SNX8: variants seen among roughly 807,000 people sequenced by gnomAD.
The protein encoded by SNX8 is sorting nexin 8.
In SNX8, 25 loss-of-function variants were observed where a neutral mutation model predicts 51.6. That is an observed-to-expected ratio of 0.48 (90% CI 0.35 to 0.68). SNX8 has a LOEUF of 0.68. SNX8 is among the 30% of genes least tolerant of loss of function. The probability of loss-of-function intolerance (pLI) is 0.00; values close to 1 mark genes in which losing one functional copy is unlikely to be tolerated. For missense variants in SNX8, 695 were observed against 624.0 expected, an observed-to-expected ratio of 1.11 and a Z score of -1.21; for synonymous variants, 324 against 277.0, an observed-to-expected ratio of 1.17 and a Z score of -1.68.
intron 7 of SNX8, among the ~76,000 whole-genome samples, chr7:2,260,697 T>C (rs1584668097): frequency 6.6e-6 from 1 of 152,188 alleles, no homozygotes; most frequent in Non-Finnish European, 1.5e-5. Context: ...ATGGAACTTC[T>C]GCTGCATCAA....
At chr7:2,300,545 CG>C (rs1554265845) in intron 1 of SNX8, among the ~76,000 whole-genome samples, 2 of 151,762 alleles carry the variant, frequency 1.3e-5, no homozygotes, top group Non-Finnish European at 2.9e-5. Flanking sequence ...CCCAAGTAAC[CG>C]GAACTACAGA....
At chr7:2,316,069 A>G (rs2115218112), upstream of SNX8, among the ~76,000 whole-genome samples, 1 of 147,908 alleles carries the variant, frequency 6.8e-6, no homozygotes, top group South Asian at 2.1e-4. Flanking sequence ...CTACCCACCC[A>G]CTCACTCATG....
intron 1 of SNX8, among the ~76,000 whole-genome samples, chr7:2,297,974 C>T (rs1796309172): frequency 2.0e-5 from 3 of 151,866 alleles, no homozygotes; most frequent in Non-Finnish European, 2.9e-5. Flanking sequence ...AACCCAGCCT[C>T]GACCAACGAA....
intron 1 of SNX8, among the ~76,000 whole-genome samples, chr7:2,336,616 G>A (rs1167299627): frequency 6.6e-6 from 1 of 152,030 alleles, no homozygotes; most frequent in Non-Finnish European, 1.5e-5. Flanking sequence ...GCTGAGGTAG[G>A]AGAATTGCTT....
Position 2,345,838 on chromosome 7 carries a change from A to G in SNX8, c.-66+8384T>C, listed in dbSNP as rs199658781. 2.0e-5 allele frequency among the ~76,000 whole-genome samples: 3 copies of G among 151,896 alleles called. No homozygotes were observed. In the East Asian group the frequency reaches 5.8e-4, roughly 30 times the overall value. The stretch of plus-strand genomic sequence containing the variant: ...GTTTTGTTTTTTGAGACGGAGTTTC[A>G]CTCTTGTTGCCCAGGCTGAAGTGCA... On this transcript the variant is annotated intron_variant, in intron 1 of 5. Transcript: ENST00000435336.
At chr7:2,325,829 C>T (rs1328886975) in intron 1 of SNX8, among the ~76,000 whole-genome samples, 1 of 151,288 alleles carries the variant, frequency 6.6e-6, no homozygotes, top group African/African-American at 2.4e-5. Context: ...AAGACTCTGT[C>T]TCAAAAAAAA....
chr7:2,274,948 G>T, intron 3 of SNX8, 164 bp downstream of exon 3: 1 of 588,784 alleles, frequency 1.7e-6, no homozygotes, highest in Non-Finnish European at 3.0e-6. Flanking sequence ...ACCAAGGCTG[G>T]GCTCAAGCCA....
At chr7:2,256,735 T>C (rs1319811309) in intron 10 of SNX8, 139 bp downstream of exon 10, 2 of 757,182 alleles carry the variant, frequency 2.6e-6, no homozygotes, top group Non-Finnish European at 4.1e-6. Context: ...AGCACCGTGT[T>C]CCAAGGCCCA....
At chr7:2,338,409 C>A (rs548899790) in intron 1 of SNX8, among the ~76,000 whole-genome samples, 1 of 151,564 alleles carries the variant, frequency 6.6e-6, no homozygotes, top group Admixed American at 6.6e-5. Context: ...TTGCAGTGAG[C>A]CGAAATCATG....
At chr7:2,277,911 G>C (rs888399980) in intron 2 of SNX8, among the ~76,000 whole-genome samples, 189 bp downstream of exon 2, 2 of 152,030 alleles carry the variant, frequency 1.3e-5, no homozygotes, top group African/African-American at 2.4e-5. Flanking sequence ...AGTGAGGTGC[G>C]GGGAGCAGAG....
At chr7:2,351,935 T>C (rs1168786189) in intron 1 of SNX8, among the ~76,000 whole-genome samples, 4 of 117,708 alleles carry the variant, frequency 3.4e-5, no homozygotes, top group Non-Finnish European at 7.0e-5. Flanking sequence ...TTGAGATGGA[T>C]TTTTGCTCGT....
chr7:2,277,522 C>T (rs780843987), intron 2 of SNX8, among the ~76,000 whole-genome samples: 3 of 152,054 alleles, frequency 2.0e-5, no homozygotes, highest in Non-Finnish European at 2.9e-5. Flanking sequence ...GCCTCCAGGC[C>T]GGGCGCGGTG....
intron 1 of SNX8, among the ~76,000 whole-genome samples, chr7:2,329,373 G>T (rs866567723): frequency 6.6e-6 from 1 of 152,128 alleles, no homozygotes; most frequent in Admixed American, 6.6e-5. Context: ...GATATACAGC[G>T]TCTTATCACC....
intron 1 of SNX8, among the ~76,000 whole-genome samples, chr7:2,302,137 C>A (rs1796409391): frequency 6.6e-6 from 1 of 152,040 alleles, no homozygotes; most frequent in African/African-American, 2.4e-5. Flanking sequence ...TTTCCACGGT[C>A]TCCCTCTGAT....
intron 4 of SNX8, among the ~76,000 whole-genome samples, chr7:2,270,412 A>C (rs1795616942): frequency 6.8e-6 from 1 of 147,584 alleles, no homozygotes. Context: ...GGATCGCTGG[A>C]GCCCAGGGGT....
intron 1 of SNX8, among the ~76,000 whole-genome samples, chr7:2,335,599 T>C (rs904222488): frequency 1.3e-5 from 2 of 151,752 alleles, no homozygotes; most frequent in African/African-American, 2.4e-5. Flanking sequence ...TCAGGAGATC[T>C]AGACCATCCT....
intron 1 of SNX8, among the ~76,000 whole-genome samples, chr7:2,332,743 A>G (rs865893805): frequency 2.3e-4 from 32 of 140,382 alleles, no homozygotes; most frequent in East Asian, 6.3e-4. Context: ...GAGAGAGAGA[A>G]AAGGAAGGAA....
intron 1 of SNX8, chr7:2,353,961 A>C (rs1419536515): frequency 6.6e-6 from 1 of 152,292 alleles, no homozygotes; most frequent in Non-Finnish European, 1.5e-5. Flanking sequence ...ACTCCGGCAA[A>C]AAACAAGATA....
In SNX8 at chr7:2,344,517, C is replaced by T. The variant is rs887954648; in HGVS notation, c.-66+9705G>A. Among the ~76,000 whole-genome samples, 3 of 150,728 alleles carry T rather than the reference C, an allele frequency of 2.0e-5. No individual in the cohort carries two copies. The Admixed American group carries it at 2.0e-4, about 10-fold the overall frequency. ...GTCCCAGCTACTTGGGAGGCTGAGG[C>T]AGGAGAATCTTGTGAACCTGGGAGG... On this transcript the variant is annotated intron_variant, in intron 1 of 5. Coordinates refer to the SNX8 transcript ENST00000435336.
Sources: allele counts gnomAD v4.1 joint callset (sites outside exome capture counted in the v4.1 genomes callset), GRCh38; gene constraint gnomAD v4.1.1; transcripts MANE v1.5; gene names NCBI Gene and HGNC (gene_info 2026-07-23, HGNC 2026-07-21).